Variants in TSSK3 observed in about 807,000 individuals in gnomAD.
The protein encoded by TSSK3 is testis-specific serine/threonine-protein kinase 3.
TSSK3 carries 16 observed loss-of-function variants against 18.9 expected under a neutral mutation model. The ratio of observed to expected loss-of-function variants is 0.85; its 90% CI spans 0.57 to 1.28. The LOEUF (loss-of-function observed/expected upper bound fraction) is 1.28. Among genes scored for constraint, TSSK3 ranks in the 50% most tolerant of loss-of-function variants. The pLI is 0.00. For synonymous variants in TSSK3, 146 were observed against 133.9 expected, an observed-to-expected ratio of 1.09 and a Z score of -0.62; for missense variants, 345 against 341.0, an observed-to-expected ratio of 1.01 and a Z score of -0.09.
chr1:32,363,968 A>G lies in TSSK3; in HGVS notation c.519A>G (p.Thr173=). ...RELSQTFCGS[T]AYAAPEVLQG... ...TGAGCCAGACCTTCTGCGGCAGTACAGCCTATGCTGCCCCCGAGGTGCTGC... is the reference window on the plus strand; with the variant it reads ...TGAGCCAGACCTTCTGCGGCAGTACGGCCTATGCTGCCCCCGAGGTGCTGC... Residue 173 remains threonine, a synonymous_variant, in exon 2 of 2, where the codon ACA becomes ACG. Coordinates refer to ENST00000373534, the MANE Select transcript of TSSK3 (RefSeq NM_052841.4). 1 of 1,614,236 alleles carries G rather than the reference A, an allele frequency of 6.2e-7. No homozygotes were observed. Among genetic ancestry groups the G allele is most frequent in the Non-Finnish European group, 8.5e-7 (1 of 1,180,030 alleles).
chr1:32,364,008 G>A lies in TSSK3; in HGVS notation c.559G>A (p.Asp187Asn), dbSNP rs373563571. The change falls in exon 2 of 2, where the codon GAT becomes AAT. Residue 187 changes from aspartate (D) to asparagine (N), a missense_variant. Transcript: ENST00000373534. ...APEVLQGIPH[D>N]SKKGDVWSMG... Reference sequence around the variant, plus strand: ...CGAGGTGCTGCAGGGCATTCCCCACGATAGCAAAAAAGGTGATGTCTGGAG... The same window carrying A: ...CGAGGTGCTGCAGGGCATTCCCCACAATAGCAAAAAAGGTGATGTCTGGAG... 6 of 1,614,234 alleles carry A rather than the reference G, an allele frequency of 3.7e-6. No individual in the cohort carries two copies. Among genetic ancestry groups the A allele is most frequent in the South Asian group, 3.3e-5 (3 of 91,088 alleles).
Position 32,362,752 on chromosome 1 carries a change from G to T in TSSK3, c.51G>T (p.Gly17=). The T allele has an allele frequency of 2.5e-6, 4 of 1,614,134 alleles. No homozygotes were observed. Among genetic ancestry groups the T allele is most frequent in the East Asian group, 2.2e-5 (1 of 44,856 alleles). Residue 17 remains glycine (G), a synonymous_variant, in exon 1 of 2, where the codon GGG becomes GGT. Coordinates refer to ENST00000373534, the MANE Select transcript of TSSK3 (RefSeq NM_052841.4). ...GGTACCAGCTGGGCAAGACCATTGG[G>T]GAAGGGACCTACTCAAAAGTCAAAG... ...SNGYQLGKTI[G]EGTYSKVKEA... is the part of the protein sequence containing the mutation.
At chr1:32,363,092 C>T (rs1381053855) in intron 1 of TSSK3, 3 of 491,264 alleles carry the variant, frequency 6.1e-6, no homozygotes, top group African/African-American at 1.9e-5. Flanking sequence ...AGAGGCAAAA[C>T]CTGAGCCAGG....
At position 32,363,986 on chromosome 1, in the gene TSSK3, G is replaced by A. The variant is rs1371201503; in HGVS notation, c.537G>A (p.Glu179=). ...FCGSTAYAAP[E]VLQGIPHDSK... ...GCAGTACAGCCTATGCTGCCCCCGA[G>A]GTGCTGCAGGGCATTCCCCACGATA... The change falls in exon 2 of 2, where the codon GAG becomes GAA. Residue 179 remains glutamate, a synonymous_variant. Transcript: ENST00000373534. 2.5e-6 allele frequency: 4 copies of A among 1,614,250 alleles called. No homozygotes were observed. Among genetic ancestry groups the A allele is most frequent in the Non-Finnish European group, 1.7e-6 (2 of 1,180,042 alleles).
chr1:32,364,297 A>G lies in TSSK3; in HGVS notation c.*41A>G, dbSNP rs1557628606. On this transcript the variant is annotated 3_prime_UTR_variant, in exon 2 of 2. Transcript: ENST00000373534. ...GTGCTCTCCAATAAAGTAGGGGGAG[A>G]AAGCAAACCCAAAAACCCGCTTCTA... is the stretch of plus-strand genomic sequence containing the variant. 6.5e-7 allele frequency: 1 copy of G among 1,527,610 alleles called. No individual in the cohort carries two copies. The allele number at this position is 1,527,610 out of a possible 1,614,324, so 94.6% of individuals were successfully genotyped here. A position where few individuals can be genotyped will look rare whatever the true frequency, so the allele number is the denominator to read the frequency against.
At chr1:32,363,496 C>G (rs1641749034) in intron 1 of TSSK3, 99 bp from the exon 2 acceptor site, 1 of 1,190,710 alleles carries the variant, frequency 8.4e-7, no homozygotes, top group Admixed American at 2.5e-5. Flanking sequence ...AGAAATAAGA[C>G]CCAGACAAGG....
At chr1:32,363,510 G>A (rs1641749314) in intron 1 of TSSK3, 85 bp from the exon 2 acceptor site, 1 of 1,345,506 alleles carries the variant, frequency 7.4e-7, no homozygotes, top group Non-Finnish European at 1.0e-6. Flanking sequence ...GACAAGGTGG[G>A]CAGAAGTTGG....
intron 1 of TSSK3, 83 bp from the exon 2 acceptor site, chr1:32,363,512 A>G (rs1570080016): frequency 7.3e-7 from 1 of 1,365,996 alleles, no homozygotes; most frequent in East Asian, 2.3e-5. Flanking sequence ...CAAGGTGGGC[A>G]GAAGTTGGAA....
intron 1 of TSSK3, 148 bp downstream of exon 1, chr1:32,362,994 C>T: frequency 1.2e-6 from 1 of 863,778 alleles, no homozygotes; most frequent in South Asian, 1.6e-5. Context: ...TGGAGTGGGT[C>T]AGTGGGGAAC....
rs746516280 is a variant in TSSK3 at position 32,362,823 on chromosome 1, T to C, written c.122T>C (p.Ile41Thr). The change falls in exon 1 of 2, where the codon ATA (isoleucine) becomes ACA (threonine). Residue 41 changes from isoleucine (I) to threonine (T), a missense_variant. Physicochemically the swap from Ile to Thr is moderately conservative, Grantham distance 89. Transcript: ENST00000373534. ...CAAAGAAAAGTGGCAATTAAAGTTA[T>C]AGACAAGATGGGAGGGCCAGAAGGT... is the stretch of plus-strand genomic sequence containing the variant. Reference protein sequence around the residue: ...KHQRKVAIKVIDKMGGPEEFI... With the variant: ...KHQRKVAIKVTDKMGGPEEFI... 7 of 1,614,098 alleles carry C rather than the reference T, an allele frequency of 4.3e-6. No homozygotes were observed. Among genetic ancestry groups the C allele is most frequent in the East Asian group, 2.2e-5 (1 of 44,882 alleles).
chr1:32,363,035 AC>A (rs565482739), intron 1 of TSSK3, 189 bp downstream of exon 1: 13 of 614,768 alleles, frequency 2.1e-5, no homozygotes, highest in African/African-American at 3.7e-5. Flanking sequence ...GGAACATTAC[AC>A]CCCCCCAGAA....
intron 1 of TSSK3, chr1:32,363,285 C>T (rs2148097161): frequency 5.0e-6 from 2 of 399,402 alleles, no homozygotes; most frequent in South Asian, 6.6e-5. Context: ...CAAATCAGGC[C>T]TTATAATTTG....
Position 32,363,864 on chromosome 1 carries a change from A to C in TSSK3, c.415A>C (p.Asn139His). The C allele has an allele frequency of 1.2e-6, 2 of 1,614,126 alleles. No homozygotes were observed. The highest frequency in any genetic ancestry group is 1.7e-6 in the Non-Finnish European group (2 of 1,180,040). Reference protein sequence around the residue: ...GVAHRDLKCENALLQGFNLKL... With the variant: ...GVAHRDLKCEHALLQGFNLKL... ...GGCCCACCGGGACCTCAAATGTGAG[A>C]ACGCCTTGTTGCAGGGCTTCAACCT... The change falls in exon 2 of 2, where the codon AAC becomes CAC. Residue 139 changes from asparagine (N) to histidine (H), a missense_variant. Asn to His is a moderately conservative substitution (Grantham distance 68). Transcript: ENST00000373534.
rs770666936 is a variant in TSSK3, at chr1:32,363,596, G to A, written c.147G>A (p.Glu49=). The A allele has an allele frequency of 1.2e-6, 2 of 1,608,472 alleles. No individual in the cohort carries two copies. The highest frequency in any genetic ancestry group is 1.7e-6 in the Non-Finnish European group (2 of 1,176,088). ...KVIDKMGGPE[E]FIQRFLPREL... is the part of the protein sequence containing the mutation. ...TCTCTCCTCCCCTTACTTCCTCAGA[G>A]TTTATCCAGAGATTCCTCCCTCGGG... Residue 49 remains glutamate (E), a splice_region_variant and synonymous_variant, in exon 2 of 2, where the codon GAG becomes GAA. Coordinates refer to ENST00000373534, the MANE Select transcript of TSSK3 (RefSeq NM_052841.4).
chr1:32,362,583 G>A lies in TSSK3; in HGVS notation c.-119G>A, dbSNP rs116491282. ...GACAGAGAATGTTCTAACGCTGGGG[G>A]CGGCTGCGGATGAAGTCCTTGGGGA... On this transcript the variant is annotated 5_prime_UTR_variant, in exon 1 of 2. Coordinates refer to ENST00000373534, the MANE Select transcript of TSSK3 (RefSeq NM_052841.4). 662 of 1,203,558 alleles carry A rather than the reference G, an allele frequency of 5.5e-4. 6 individuals are homozygous for A. In the African/African-American group the frequency reaches 9.1e-3, roughly 17 times the overall value. The allele number at this position is 1,203,558 out of a possible 1,614,324, so 74.6% of individuals were successfully genotyped here.
Position 32,363,771 on chromosome 1 carries a change from GA to G in TSSK3, c.325del (p.Ser109AlafsTer39). ...DCVLNGGPLP[E>X]SRAKALFRQM... Reference sequence around the variant, plus strand: ...CGTGCTGAATGGGGGGCCACTGCCTGAAAGCCGGGCCAAGGCCCTCTTCCGT... The same window carrying G: ...CGTGCTGAATGGGGGGCCACTGCCTGAAGCCGGGCCAAGGCCCTCTTCCGT... On this transcript the variant is annotated frameshift_variant, in exon 2 of 2. Transcript: ENST00000373534. LOFTEE classifies it high-confidence loss of function. 6.2e-7 allele frequency: 1 copy of G among 1,614,256 alleles called. No homozygotes were observed. The highest frequency in any genetic ancestry group is 2.2e-5 in the East Asian group (1 of 44,886).
chr1:32,363,379 T>TG (rs1641744542), intron 1 of TSSK3: 4 of 568,988 alleles, frequency 7.0e-6, no homozygotes, highest in Non-Finnish European at 1.3e-5. Context: ...ACAAGGCTGG[T>TG]GGGGAGTGCT....
chr1:32,363,240 CAGTGGCGGGAGG>C (rs1641741710), intron 1 of TSSK3: 1 of 354,180 alleles, frequency 2.8e-6, no homozygotes, highest in Middle Eastern at 8.6e-4. Context: ...GGTCAGGGGA[CAGTGGCGGGAGG>C]AGCTGGCTCA....
In TSSK3 at chr1:32,363,877, A is replaced by G; in HGVS notation, c.428A>G (p.Gln143Arg). The G allele has an allele frequency of 6.2e-7, 1 of 1,614,110 alleles. No homozygotes were observed. The highest frequency in any genetic ancestry group is 8.5e-7 in the Non-Finnish European group (1 of 1,180,040). The change falls in exon 2 of 2, where the codon CAG becomes CGG. Residue 143 changes from glutamine (Q) to arginine (R), a missense_variant. By Grantham distance (43) the Gln-to-Arg change is conservative (BLOSUM62 1). Transcript: ENST00000373534. The part of the protein sequence containing the change: ...RDLKCENALL[Q>R]GFNLKLTDFG... ...CTCAAATGTGAGAACGCCTTGTTGC[A>G]GGGCTTCAACCTGAAGCTGACTGAC...
Sources: gnomAD v4.1 joint callset for allele counts on GRCh38, gnomAD v4.1.1 for gene constraint, MANE v1.5 for transcripts, NCBI Gene and HGNC (gene_info 2026-07-23, HGNC 2026-07-21) for gene names.